Variants in PPP3CA observed in about 807,000 individuals in gnomAD.
The protein encoded by PPP3CA is protein phosphatase 3 catalytic subunit alpha.
PPP3CA carries 14 observed loss-of-function variants against 66.5 expected under a neutral mutation model. The ratio of observed to expected loss-of-function variants is 0.21; its 90% CI spans 0.14 to 0.33. The LOEUF (loss-of-function observed/expected upper bound fraction) is 0.33. Among genes scored for constraint, PPP3CA ranks in the 10% least tolerant of loss-of-function variants. The pLI is 1.00. For synonymous variants in PPP3CA, 232 were observed against 226.2 expected (o/e 1.03, Z -0.23); for missense variants, 317 against 639.5 (o/e 0.50, Z 5.44).
intron 1 of PPP3CA, among the ~76,000 whole-genome samples, chr4:101,247,243 C>G (rs1345534357): frequency 6.6e-6 from 1 of 151,860 alleles, no homozygotes; most frequent in Non-Finnish European, 1.5e-5. Context: ...CTCACTGGAA[C>G]CTTCGCCTCC....
At chr4:101,051,140 T>C (rs1447196330) in intron 10 of PPP3CA, among the ~76,000 whole-genome samples, 1 of 152,150 alleles carries the variant, frequency 6.6e-6, no homozygotes, top group Admixed American at 6.6e-5. Flanking sequence ...TACAGAGTTC[T>C]GAGACAAAAC....
intron 1 of PPP3CA, among the ~76,000 whole-genome samples, chr4:101,243,980 G>T (rs760219160): frequency 4.6e-5 from 7 of 152,152 alleles, no homozygotes; most frequent in Admixed American, 3.3e-4. Context: ...ATAAGATAAG[G>T]TTTGGTATCT....
chr4:101,174,256 T>C (rs2659503), intron 2 of PPP3CA, among the ~76,000 whole-genome samples: 29,417 of 152,068 alleles, frequency 0.19, 4,085 homozygotes, highest in African/African-American at 0.37. Flanking sequence ...CCTTCAGTAT[T>C]GCTTAAAATT....
intron 11 of PPP3CA, among the ~76,000 whole-genome samples, chr4:101,033,243 CAT>C (rs1727074178): frequency 6.6e-6 from 1 of 151,496 alleles, no homozygotes; most frequent in East Asian, 1.9e-4. Flanking sequence ...CACAAACATA[CAT>C]ATATTTGCGT....
intron 1 of PPP3CA, among the ~76,000 whole-genome samples, chr4:101,324,691 A>G (rs951247676): frequency 6.9e-6 from 1 of 144,434 alleles, no homozygotes; most frequent in Non-Finnish European, 1.5e-5. Flanking sequence ...AGAATGGAAC[A>G]ACAAAAAAAA....
chr4:101,331,663 T>C (rs1475577942), intron 1 of PPP3CA, among the ~76,000 whole-genome samples: 1 of 152,190 alleles, frequency 6.6e-6, no homozygotes, highest in Non-Finnish European at 1.5e-5. Flanking sequence ...ATGGAAGGTG[T>C]GCTTCAGGTT....
intron 1 of PPP3CA, among the ~76,000 whole-genome samples, chr4:101,271,090 T>G (rs1727323301): frequency 6.6e-6 from 1 of 151,926 alleles, no homozygotes; most frequent in South Asian, 2.1e-4. Context: ...TTTCAGAGAG[T>G]TCACATCACA....
At chr4:101,276,980 AGG>A (rs1205186208) in intron 1 of PPP3CA, among the ~76,000 whole-genome samples, 1 of 20,498 alleles carries the variant, frequency 4.9e-5, no homozygotes, top group Non-Finnish European at 2.3e-4. Flanking sequence ...CATTATGGCT[AGG>A]ACCTGATATT....
At position 101,098,430 on chromosome 4, in the gene PPP3CA, T is replaced by C. The variant is rs146283025; in HGVS notation, c.579A>G (p.Gln193=). 183 of 1,612,822 alleles carry C rather than the reference T, an allele frequency of 1.1e-4. No individual in the cohort carries two copies. The highest frequency in any genetic ancestry group is 3.2e-4 in the African/African-American group (24 of 74,948). ...DCLPLAALMN[Q]QFLCVHGGLS... ...AACCACCATGCACACACAGGAACTG[T>C]TGGTTCATCAGGGCAGCCAGGGGAA... The change falls in exon 5 of 14, where the codon CAA becomes CAG. Residue 193 remains glutamine, a synonymous_variant. Coordinates refer to ENST00000394854, the MANE Select transcript of PPP3CA (RefSeq NM_000944.5).
intron 2 of PPP3CA, among the ~76,000 whole-genome samples, chr4:101,140,574 T>A (rs760164615): frequency 6.6e-6 from 1 of 152,188 alleles, no homozygotes; most frequent in Non-Finnish European, 1.5e-5. Flanking sequence ...CCTATGTGAT[T>A]CAGAATAAGA....
At chr4:101,127,393 C>A (rs1488726361) in intron 2 of PPP3CA, among the ~76,000 whole-genome samples, 1 of 151,984 alleles carries the variant, frequency 6.6e-6, no homozygotes, top group Non-Finnish European at 1.5e-5. Flanking sequence ...TTGGGATGGG[C>A]CTTAATCCAA....
intron 1 of PPP3CA, among the ~76,000 whole-genome samples, chr4:101,261,356 A>G (rs1201633490): frequency 5.3e-5 from 8 of 152,122 alleles, no homozygotes. Context: ...AAGGCAACAT[A>G]TCTAGCACTG....
At chr4:101,276,983 ACCTGATATTTTCAAAATATTAG>A (rs1263844678) in intron 1 of PPP3CA, among the ~76,000 whole-genome samples, 1 of 20,496 alleles carries the variant, frequency 4.9e-5, no homozygotes, top group Non-Finnish European at 2.2e-4. Flanking sequence ...TATGGCTAGG[ACCTGATATTTTCAAAATATTAG>A]GACCTGATAT....
At chr4:101,298,134 T>C (rs1051108558) in intron 1 of PPP3CA, among the ~76,000 whole-genome samples, 7 of 152,082 alleles carry the variant, frequency 4.6e-5, no homozygotes, top group Non-Finnish European at 8.8e-5. Context: ...ATATATATCC[T>C]AGGGTCAGAA....
At chr4:101,091,779 G>A (rs1729951670) in intron 6 of PPP3CA, among the ~76,000 whole-genome samples, 1 of 150,050 alleles carries the variant, frequency 6.7e-6, no homozygotes, top group Admixed American at 6.7e-5. Context: ...GGCTGGAATT[G>A]AGCATTAACT....
At chr4:101,346,001 G>C (rs914120794) in intron 1 of PPP3CA, among the ~76,000 whole-genome samples, 1 of 152,144 alleles carries the variant, frequency 6.6e-6, no homozygotes, top group Non-Finnish European at 1.5e-5. Flanking sequence ...GTCTCTCCCC[G>C]GGGCGTGCGG....
chr4:101,197,218 C>G (rs938951004), intron 1 of PPP3CA, among the ~76,000 whole-genome samples: 10 of 152,194 alleles, frequency 6.6e-5, no homozygotes, highest in African/African-American at 2.2e-4. Context: ...GGCCCTCTCC[C>G]TTCCTAAAAG....
rs1459231334 is a variant in PPP3CA at position 101,255,089 on chromosome 4, T to TACAGGA, written c.59-58979_59-58974dup. Among the ~76,000 whole-genome samples, 4 of 148,948 alleles carry TACAGGA rather than the reference T, an allele frequency of 2.7e-5. No individual in the cohort carries two copies. In the East Asian group the frequency reaches 7.8e-4, roughly 29 times the overall value. ...AGTCCCAGGACAAGATGTAAAGTTA[T>TACAGGA]ACAGGACAAAGTTCCTCTTATTTTT... On this transcript the variant is annotated intron_variant, in intron 1 of 13. Transcript: ENST00000394854.
intron 1 of PPP3CA, among the ~76,000 whole-genome samples, chr4:101,316,942 C>T (rs188234975): frequency 1.0e-3 from 156 of 152,214 alleles, no homozygotes; most frequent in Admixed American, 8.5e-4. Flanking sequence ...GAAGAAAGTA[C>T]ATTTCTTACA....
Sources: gnomAD v4.1 joint callset for allele counts (sites outside exome capture counted in the v4.1 genomes callset) on GRCh38, gnomAD v4.1.1 for gene constraint, MANE v1.5 for transcripts, NCBI Gene and HGNC (gene_info 2026-07-23, HGNC 2026-07-21) for gene names.